SAMD12: variants seen among roughly 807,000 people sequenced by gnomAD.
The protein encoded by SAMD12 is sterile alpha motif domain-containing protein 12.
Under a neutral mutation model 15.0 loss-of-function variants are expected in SAMD12, and 9 were observed. That is an observed-to-expected ratio of 0.60 (90% CI 0.36 to 1.05). The LOEUF (loss-of-function observed/expected upper bound fraction) is 1.05, where lower values mean the gene tolerates loss of function less well. SAMD12 is among the 50% of genes least tolerant of loss of function. The pLI, the probability that SAMD12 is intolerant of heterozygous loss-of-function variation, is 0.01. For missense variants in SAMD12, 230 were observed against 234.2 expected (o/e 0.98, Z 0.12); for synonymous variants, 86 against 90.1 (o/e 0.96, Z 0.25).
intron 2 of SAMD12, among the ~76,000 whole-genome samples, chr8:118,460,152 C>T (rs539780302): frequency 6.6e-6 from 1 of 152,326 alleles, no homozygotes; most frequent in African/African-American, 2.4e-5. Context: ...GATCCATTCC[C>T]TCTCCTACTA....
At position 118,201,503 on chromosome 8, in the gene SAMD12, C is replaced by T. The variant is rs189427146; in HGVS notation, c.434-3771G>A. ...CTTCAATTTAATGTATCCATCGTTC[C>T]TCCTAATTTTTTTGTGGGTGATGCC... On this transcript the variant is annotated intron_variant, in intron 4 of 4. Coordinates refer to the SAMD12 transcript ENST00000409003. Among the ~76,000 whole-genome samples, 8 of 152,254 alleles carry T rather than the reference C, an allele frequency of 5.3e-5. No individual in the cohort carries two copies. In the East Asian group the frequency reaches 1.2e-3, roughly 22 times the overall value.
chr8:118,375,313 A>G (rs952765750), downstream of SAMD12, among the ~76,000 whole-genome samples: 1 of 152,080 alleles, frequency 6.6e-6, no homozygotes, highest in African/African-American at 2.4e-5. Flanking sequence ...TTGTCTGACT[A>G]TGAGTATATT....
chr8:118,165,614 GTATATA>G, the SAMD12 span, among the ~76,000 whole-genome samples: 2,998 of 120,280 alleles, frequency 0.025, 114 homozygotes, highest in East Asian at 0.08. Flanking sequence ...ATATATATAT[GTATATA>G]TATATATATA....
chr8:118,611,962 C>A (rs1180126180), intron 1 of SAMD12, among the ~76,000 whole-genome samples: 1 of 152,142 alleles, frequency 6.6e-6, no homozygotes, highest in Non-Finnish European at 1.5e-5. Flanking sequence ...AAGCACTACT[C>A]CCATTGTATA....
intron 3 of SAMD12, among the ~76,000 whole-genome samples, chr8:118,428,639 A>T (rs1410820920): frequency 6.6e-6 from 1 of 152,164 alleles, no homozygotes; most frequent in African/African-American, 2.4e-5. Context: ...AAGTTCACTT[A>T]TCTTACTAAA....
At chr8:118,465,737 C>A (rs1823576993) in intron 2 of SAMD12, among the ~76,000 whole-genome samples, 1 of 152,072 alleles carries the variant, frequency 6.6e-6, no homozygotes. Flanking sequence ...ATATGACGGG[C>A]AAATTCTTGA....
chr8:118,472,519 GA>G (rs1190086237), intron 2 of SAMD12, among the ~76,000 whole-genome samples: 1 of 151,514 alleles, frequency 6.6e-6, no homozygotes, highest in African/African-American at 2.4e-5. Flanking sequence ...TCTCTAAAAA[GA>G]AAAAAATAGC....
chr8:118,175,756 T>C, the SAMD12 span, among the ~76,000 whole-genome samples: 1 of 152,070 alleles, frequency 6.6e-6, no homozygotes, highest in African/African-American at 2.4e-5. Context: ...TCACTAATCA[T>C]TAGGGAAATG....
intron 2 of SAMD12, among the ~76,000 whole-genome samples, chr8:118,524,910 T>C (rs993706790): frequency 3.3e-5 from 5 of 152,310 alleles, no homozygotes; most frequent in Admixed American, 1.3e-4. Flanking sequence ...GATCCCTGCT[T>C]CCTGCTTTTC....
At chr8:118,505,076 T>C (rs1824885711) in intron 2 of SAMD12, among the ~76,000 whole-genome samples, 1 of 152,222 alleles carries the variant, frequency 6.6e-6, no homozygotes, top group Non-Finnish European at 1.5e-5. Flanking sequence ...TGTGATAACT[T>C]GATAAGGTAG....
chr8:118,551,394 A>G (rs1408199328), intron 2 of SAMD12, among the ~76,000 whole-genome samples: 3 of 151,974 alleles, frequency 2.0e-5, no homozygotes, highest in African/African-American at 4.8e-5. Flanking sequence ...GCTCAACTAC[A>G]TGGAAACTGA....
chr8:118,244,256 G>C (rs889153680), intron 4 of SAMD12, among the ~76,000 whole-genome samples: 2 of 152,114 alleles, frequency 1.3e-5, no homozygotes, highest in Non-Finnish European at 2.9e-5. Context: ...TAGCAGGTTA[G>C]AAAATTAAAG....
At chr8:118,167,192 G>A in the SAMD12 span, among the ~76,000 whole-genome samples, 19 of 144,326 alleles carry the variant, frequency 1.3e-4, no homozygotes, top group Admixed American at 4.3e-4. Context: ...CCAGCCCCCC[G>A]CGCCCCCCAC....
chr8:118,552,943 A>G (rs866196906), intron 2 of SAMD12, among the ~76,000 whole-genome samples: 56 of 152,146 alleles, frequency 3.7e-4, no homozygotes, highest in African/African-American at 7.0e-4. Flanking sequence ...TGCTTCAAAG[A>G]GAATAAAATA....
chr8:118,341,605 G>A (rs1052130905), intron 4 of SAMD12, among the ~76,000 whole-genome samples: 7 of 152,096 alleles, frequency 4.6e-5, no homozygotes, highest in Non-Finnish European at 7.3e-5. Context: ...TTCTGGTGCC[G>A]GCTGCAGATG....
Position 118,583,333 on chromosome 8 carries a change from C to T in SAMD12, c.14-2440G>A, listed in dbSNP as rs139200425. Among the ~76,000 whole-genome samples the T allele has an allele frequency of 8.4e-3, 1,276 of 152,296 alleles. 10 individuals are homozygous for T. Among genetic ancestry groups the T allele is most frequent in the Non-Finnish European group, 0.013 (909 of 68,022 alleles). On this transcript the variant is annotated intron_variant, in intron 1 of 3. Coordinates refer to ENST00000314727, the MANE Select transcript of SAMD12 (RefSeq NM_207506.3). ...TGTTATTATCAATCAGCTTCTCCAT[C>T]TCCAAAGACTGGCCTACTTACAATG...
chr8:118,504,170 G>T (rs113530481), intron 2 of SAMD12, among the ~76,000 whole-genome samples: 2,241 of 152,186 alleles, frequency 0.015, 63 homozygotes, highest in African/African-American at 0.051. Flanking sequence ...TGAGTGGGAA[G>T]AAAAGGCCAA....
chr8:118,532,559 A>G (rs1352643593), intron 2 of SAMD12, among the ~76,000 whole-genome samples: 1 of 152,136 alleles, frequency 6.6e-6, no homozygotes, highest in South Asian at 2.1e-4. Flanking sequence ...CTGTGAATCC[A>G]TCTGGTCCTG....
intron 4 of SAMD12, among the ~76,000 whole-genome samples, chr8:118,225,788 C>T (rs554381275): frequency 8.5e-5 from 13 of 152,216 alleles, no homozygotes; most frequent in African/African-American, 2.4e-4. Flanking sequence ...CCAAGCGCAG[C>T]GAGGATACTC....
Sources: allele counts gnomAD v4.1 joint callset (sites outside exome capture counted in the v4.1 genomes callset), GRCh38; gene constraint gnomAD v4.1.1; transcripts MANE v1.5; gene names NCBI Gene and HGNC (gene_info 2026-07-23, HGNC 2026-07-21).